Variants in CSMD1 observed in about 807,000 individuals in gnomAD.
CSMD1 encodes CUB and Sushi multiple domains 1.
In CSMD1, 213 loss-of-function variants were observed where a neutral mutation model predicts 417.5. The ratio of observed to expected loss-of-function variants is 0.51; its 90% CI spans 0.46 to 0.57. CSMD1 has a LOEUF of 0.57. CSMD1 is among the 20% of genes least tolerant of loss of function. CSMD1 has a pLI of 0.00. For missense variants in CSMD1, 6,923 were observed against 4,529.7 expected (o/e 1.53, Z -15.17); for synonymous variants, 2,862 against 1,736.8 (o/e 1.65, Z -16.11).
intron 10 of CSMD1, among the ~76,000 whole-genome samples, chr8:3,566,262 A>G (rs139476066): frequency 3.8e-4 from 58 of 152,310 alleles, no homozygotes; most frequent in African/African-American, 1.3e-3. Flanking sequence ...GGAAGAGTTG[A>G]AGAAAAGAAT....
At chr8:4,494,778 T>A (rs1193366057) in intron 2 of CSMD1, among the ~76,000 whole-genome samples, 1 of 152,192 alleles carries the variant, frequency 6.6e-6, no homozygotes, top group Non-Finnish European at 1.5e-5. Flanking sequence ...CTATCATGAT[T>A]ATATCTTTCT....
In CSMD1 at chr8:3,335,264, C is replaced by G. The variant is rs55736827; in HGVS notation, c.3631+8030G>C. On this transcript the variant is annotated intron_variant, in intron 23 of 69. Coordinates refer to ENST00000635120, the MANE Select transcript of CSMD1 (RefSeq NM_033225.6). ...TGTGTTACGAATTCACAGTTCCAACCTCTCAGTCACTGTGATGACCGTGCC... is the reference window on the plus strand; with the variant it reads ...TGTGTTACGAATTCACAGTTCCAACGTCTCAGTCACTGTGATGACCGTGCC... 8.3e-3 allele frequency among the ~76,000 whole-genome samples: 1,260 copies of G among 152,300 alleles called. 17 individuals are homozygous for G. The highest frequency in any genetic ancestry group is 0.029 in the African/African-American group (1,200 of 41,548).
chr8:3,523,861 A>T (rs1417211857), intron 10 of CSMD1, among the ~76,000 whole-genome samples: 1 of 150,792 alleles, frequency 6.6e-6, no homozygotes, highest in Non-Finnish European at 1.5e-5. Flanking sequence ...ATGCGCATGC[A>T]CACACTTACA....
At chr8:3,168,631 T>TCACACA (rs59927132) in intron 37 of CSMD1, among the ~76,000 whole-genome samples, 23,039 of 148,784 alleles carry the variant, frequency 0.15, 1,780 homozygotes, top group Middle Eastern at 0.21. Context: ...TAAGTCTTCA[T>TCACACA]CACACACACA....
At chr8:3,970,380 G>T (rs1037173574) in intron 5 of CSMD1, among the ~76,000 whole-genome samples, 1 of 152,168 alleles carries the variant, frequency 6.6e-6, no homozygotes, top group African/African-American at 2.4e-5. Flanking sequence ...CGACCAAACA[G>T]TAAATCTGAA....
intron 3 of CSMD1, among the ~76,000 whole-genome samples, chr8:4,111,179 C>T (rs575904031): frequency 6.6e-6 from 1 of 152,156 alleles, no homozygotes; most frequent in South Asian, 2.1e-4. Context: ...TCCCTGTTCC[C>T]AATATTTTTG....
At chr8:3,936,171 T>A (rs1449289130) in intron 5 of CSMD1, among the ~76,000 whole-genome samples, 2 of 107,170 alleles carry the variant, frequency 1.9e-5, no homozygotes, top group African/African-American at 3.6e-5. Context: ...AGATGTCAGT[T>A]CATAGGGTTT....
In CSMD1 at chr8:4,312,494, T is replaced by C. The variant is rs565505141; in HGVS notation, c.415+107459A>G. On this transcript the variant is annotated intron_variant, in intron 3 of 69. Transcript: ENST00000635120. The stretch of plus-strand genomic sequence containing the variant: ...ATATATATATACACATATAGAACTC[T>C]ATGTTTCCAGTTTTATTATCAATGT... Among the ~76,000 whole-genome samples the C allele has an allele frequency of 9.3e-5, 14 of 150,260 alleles. No individual in the cohort carries two copies. The South Asian group carries it at 1.5e-3, about 16-fold the overall frequency.
chr8:4,834,930 C>G (rs1192622481), intron 1 of CSMD1, among the ~76,000 whole-genome samples: 1 of 115,072 alleles, frequency 8.7e-6, no homozygotes, highest in African/African-American at 3.4e-5. Context: ...GCACTCCAGC[C>G]TGGGCGACAG....
chr8:4,168,536 G>C (rs994781874), intron 3 of CSMD1, among the ~76,000 whole-genome samples: 3 of 152,022 alleles, frequency 2.0e-5, no homozygotes, highest in African/African-American at 7.3e-5. Context: ...TACAGACACA[G>C]AACACAACAG....
intron 1 of CSMD1, among the ~76,000 whole-genome samples, chr8:4,987,870 G>T (rs184787015): frequency 4.6e-5 from 7 of 152,256 alleles, no homozygotes; most frequent in Admixed American, 6.5e-5. Context: ...GGACTCTAAG[G>T]TGTTCACCTA....
At chr8:3,897,395 A>G (rs1807440739) in intron 5 of CSMD1, among the ~76,000 whole-genome samples, 1 of 152,216 alleles carries the variant, frequency 6.6e-6, no homozygotes, top group African/African-American at 2.4e-5. Context: ...GGCCAATTAT[A>G]AAACAAAATG....
intron 1 of CSMD1, among the ~76,000 whole-genome samples, chr8:4,871,742 T>C (rs987742245): frequency 3.3e-5 from 5 of 152,094 alleles, no homozygotes; most frequent in Non-Finnish European, 5.9e-5. Flanking sequence ...GTTCATATTA[T>C]TGTATGGGAG....
chr8:3,498,303 T>C (rs902538936), intron 10 of CSMD1, among the ~76,000 whole-genome samples: 1 of 152,210 alleles, frequency 6.6e-6, no homozygotes. Flanking sequence ...TGGAGGTATA[T>C]GTGGTACTTT....
At chr8:3,725,230 G>T (rs993700774) in intron 6 of CSMD1, among the ~76,000 whole-genome samples, 4 of 152,252 alleles carry the variant, frequency 2.6e-5, no homozygotes, top group Middle Eastern at 3.4e-3. Context: ...GTGTTGCTAG[G>T]AAGGCCCTCA....
At position 3,928,992 on chromosome 8, in the gene CSMD1, A is replaced by T. The variant is rs966413338; in HGVS notation, c.818+68911T>A. Among the ~76,000 whole-genome samples, 11 of 150,590 alleles carry T rather than the reference A, an allele frequency of 7.3e-5. 3 individuals are homozygous for T. The South Asian group carries it at 1.9e-3, about 26-fold the overall frequency. On this transcript the variant is annotated intron_variant, in intron 5 of 69. Transcript: ENST00000635120. ...CTAAAACAATTGGTTGTCATTGTAT[A>T]AGAAATCTTACCGATTTTTGGTTTC... is the stretch of plus-strand genomic sequence containing the variant.
chr8:4,789,735 G>T (rs1412005488), intron 1 of CSMD1, among the ~76,000 whole-genome samples: 1 of 152,134 alleles, frequency 6.6e-6, no homozygotes, highest in Non-Finnish European at 1.5e-5. Flanking sequence ...GTATAGCAAT[G>T]CTCCCAACAT....
intron 3 of CSMD1, among the ~76,000 whole-genome samples, chr8:4,044,725 G>T (rs1332189960): frequency 6.6e-6 from 1 of 152,030 alleles, no homozygotes; most frequent in East Asian, 1.9e-4. Context: ...TAGCACCCTG[G>T]ACACGTACCA....
chr8:3,650,899 T>C (rs756819860), intron 7 of CSMD1, among the ~76,000 whole-genome samples: 27 of 152,170 alleles, frequency 1.8e-4, no homozygotes, highest in Non-Finnish European at 3.1e-4. Flanking sequence ...ATATCGAACG[T>C]CTTCTCAGAC....
Sources: allele counts gnomAD v4.1 joint callset (sites outside exome capture counted in the v4.1 genomes callset), GRCh38; gene constraint gnomAD v4.1.1; transcripts MANE v1.5; gene names NCBI Gene and HGNC (gene_info 2026-07-23, HGNC 2026-07-21).